HDAC9: variants seen among roughly 807,000 people sequenced by gnomAD.
The protein encoded by HDAC9 is MEF-2 interacting transcription repressor (MITR) protein.
Under a neutral mutation model 139.4 loss-of-function variants are expected in HDAC9, and 41 were observed. The observed-to-expected ratio is 0.29, with a 90% CI of 0.23 to 0.38. HDAC9 has a LOEUF of 0.38. HDAC9 is among the 10% of genes least tolerant of loss of function. The pLI is 1.00. For synonymous variants in HDAC9, 517 were observed against 476.2 expected (o/e 1.09, Z -1.12); for missense variants, 1,147 against 1,297.0 (o/e 0.88, Z 1.78).
At chr7:18,351,877 C>T (rs1782873691) in intron 1 of HDAC9, among the ~76,000 whole-genome samples, 1 of 152,150 alleles carries the variant, frequency 6.6e-6, no homozygotes, top group Admixed American at 6.6e-5. Context: ...AATTATTAGC[C>T]TTGTCTTAAA....
chr7:18,442,952 A>T (rs1047824823), intron 1 of HDAC9, among the ~76,000 whole-genome samples: 1 of 152,224 alleles, frequency 6.6e-6, no homozygotes, highest in African/African-American at 2.4e-5. Flanking sequence ...TGGATGGCCT[A>T]GGCATCCAGG....
rs149347268 is a variant in HDAC9 at position 18,116,332 on chromosome 7, T to A, written c.-97+29119T>A. Reference sequence around the variant, plus strand: ...GCCTGCTTGGAAAAGTTACATTTTATGTTACTTGCTAAAATTTTTTGAAAA... The same window carrying A: ...GCCTGCTTGGAAAAGTTACATTTTAAGTTACTTGCTAAAATTTTTTGAAAA... On this transcript the variant is annotated intron_variant, in intron 1 of 12. Transcript: ENST00000417496. 4.1e-4 allele frequency among the ~76,000 whole-genome samples: 63 copies of A among 152,346 alleles called. 1 individual carries two copies. In the East Asian group the frequency reaches 0.012, roughly 28 times the overall value.
intron 22 of HDAC9, among the ~76,000 whole-genome samples, chr7:18,925,278 T>A (rs1449714107): frequency 1.3e-5 from 2 of 152,158 alleles, no homozygotes. Context: ...TATCCCAACT[T>A]TGTCATTGAT....
chr7:18,134,742 C>A (rs1457894914), intron 1 of HDAC9, among the ~76,000 whole-genome samples: 1 of 152,108 alleles, frequency 6.6e-6, no homozygotes, highest in African/African-American at 2.4e-5. Flanking sequence ...CAGAAATATT[C>A]TTCTCTCTTT....
At chr7:18,739,888 A>G (rs1787287909) in intron 13 of HDAC9, among the ~76,000 whole-genome samples, 1 of 152,158 alleles carries the variant, frequency 6.6e-6, no homozygotes, top group African/African-American at 2.4e-5. Context: ...GAGTCTGTAG[A>G]GGCAGTAGGC....
chr7:18,448,076 C>T (rs1792461607), intron 1 of HDAC9, among the ~76,000 whole-genome samples: 1 of 152,148 alleles, frequency 6.6e-6, no homozygotes, highest in African/African-American at 2.4e-5. Flanking sequence ...CCAACTCCAA[C>T]TCCAAATCCA....
intron 2 of HDAC9, among the ~76,000 whole-genome samples, chr7:18,551,027 C>G (rs769420039): frequency 9.9e-5 from 15 of 152,258 alleles, no homozygotes; most frequent in Admixed American, 6.5e-4. Flanking sequence ...TTAACAACAA[C>G]CACATACATC....
At chr7:18,284,813 T>C (rs945259502) in intron 2 of HDAC9, among the ~76,000 whole-genome samples, 1 of 152,122 alleles carries the variant, frequency 6.6e-6, no homozygotes, top group Admixed American at 6.5e-5. Context: ...AATCCAACAC[T>C]CACTCTTACT....
At chr7:18,514,689 T>C (rs1802610281) in intron 2 of HDAC9, among the ~76,000 whole-genome samples, 1 of 152,162 alleles carries the variant, frequency 6.6e-6, no homozygotes. Context: ...CCTATAAACC[T>C]CAGGATTTGG....
At chr7:18,738,563 T>C (rs1787142810) in intron 13 of HDAC9, among the ~76,000 whole-genome samples, 2 of 152,240 alleles carry the variant, frequency 1.3e-5, no homozygotes. Flanking sequence ...AAAATTCTTT[T>C]CTTTGAGAAT....
At chr7:18,395,412 A>T (rs998728707) in intron 1 of HDAC9, among the ~76,000 whole-genome samples, 1 of 151,932 alleles carries the variant, frequency 6.6e-6, no homozygotes, top group Admixed American at 6.6e-5. Flanking sequence ...CTTCTTCTCT[A>T]TTGGAATTAA....
Position 18,666,295 on chromosome 7 carries a change from C to G in HDAC9, c.1550C>G (p.Ala517Gly), listed in dbSNP as rs1362363816. 2 of 1,613,246 alleles carry G rather than the reference C, an allele frequency of 1.2e-6. No homozygotes were observed. Among genetic ancestry groups the G allele is most frequent in the Admixed American group, 3.3e-5 (2 of 59,946 alleles). Reference protein sequence around the residue: ...EAEEELQGDQAMQEDRAPSSG... With the variant: ...EAEEELQGDQGMQEDRAPSSG... Reference sequence around the variant, plus strand: ...GAGGAAGAGCTTCAGGGGGACCAGGCGATGCAGGAAGACAGAGCGCCCTCT... The same window carrying G: ...GAGGAAGAGCTTCAGGGGGACCAGGGGATGCAGGAAGACAGAGCGCCCTCT... The change falls in exon 12 of 26, where the codon GCG becomes GGG. Residue 517 changes from alanine (A) to glycine (G), a missense_variant. Physicochemically the swap from Ala to Gly is moderately conservative, Grantham distance 60. This residue lies in a region of HDAC9 where 256 missense variants were observed against 219.2 expected (regional missense o/e 1.17). Coordinates refer to ENST00000686413, the MANE Select transcript of HDAC9 (RefSeq NM_178425.4).
intron 12 of HDAC9, among the ~76,000 whole-genome samples, chr7:18,699,437 A>G (rs554251985): frequency 3.3e-5 from 5 of 152,140 alleles, no homozygotes; most frequent in Admixed American, 6.6e-5. Context: ...AATACTAGCA[A>G]AACCTGTGAG....
At chr7:18,209,533 A>G (rs960425045) in intron 2 of HDAC9, among the ~76,000 whole-genome samples, 18 of 152,302 alleles carry the variant, frequency 1.2e-4, no homozygotes, top group Middle Eastern at 3.4e-3. Flanking sequence ...TAAGACTGCT[A>G]CTATTATCCG....
chr7:18,716,731 A>G (rs1385830062), intron 12 of HDAC9, among the ~76,000 whole-genome samples: 1 of 152,192 alleles, frequency 6.6e-6, no homozygotes, highest in Non-Finnish European at 1.5e-5. Context: ...GTCAATGCCA[A>G]CACTAAACTA....
At chr7:18,396,653 C>A (rs1195235095) in intron 1 of HDAC9, among the ~76,000 whole-genome samples, 1 of 152,110 alleles carries the variant, frequency 6.6e-6, no homozygotes, top group African/African-American at 2.4e-5. Context: ...AGAGACAATG[C>A]CCCTAAGTTT....
At chr7:18,438,082 A>G (rs181163542) in intron 1 of HDAC9, among the ~76,000 whole-genome samples, 1 of 150,328 alleles carries the variant, frequency 6.7e-6, no homozygotes. Flanking sequence ...GTTTATATAT[A>G]TAATAAATTT....
chr7:18,744,436 C>G (rs1787753285), intron 13 of HDAC9, among the ~76,000 whole-genome samples: 1 of 152,142 alleles, frequency 6.6e-6, no homozygotes, highest in Non-Finnish European at 1.5e-5. Flanking sequence ...AGTCCTTTGT[C>G]CAGTCCCTTG....
At chr7:18,695,825 C>T (rs536055638) in intron 12 of HDAC9, among the ~76,000 whole-genome samples, 8 of 152,256 alleles carry the variant, frequency 5.3e-5, no homozygotes, top group Admixed American at 3.3e-4. Context: ...TCAGTTTTCT[C>T]ACACATTTTT....
Sources: allele counts gnomAD v4.1 joint callset (sites outside exome capture counted in the v4.1 genomes callset), GRCh38; gene constraint gnomAD v4.1.1; regional missense constraint gnomAD v4.1.1; transcripts MANE v1.5; gene names NCBI Gene and HGNC (gene_info 2026-07-23, HGNC 2026-07-21).